Variants in PDE4B observed in about 807,000 individuals in gnomAD.
The protein encoded by PDE4B is phosphodiesterase 4B.
A neutral mutation model predicts 82.2 loss-of-function variants in PDE4B; 20 were observed. That is an observed-to-expected ratio of 0.24 (90% CI 0.17 to 0.35). The LOEUF is 0.35. Among genes scored for constraint, PDE4B ranks in the 10% least tolerant of loss-of-function variants. PDE4B has a pLI of 1.00. For missense variants in PDE4B, 655 were observed against 907.2 expected (o/e 0.72, Z 3.57); for synonymous variants, 320 against 318.9 (o/e 1.00, Z -0.04).
intron 3 of PDE4B, among the ~76,000 whole-genome samples, chr1:66,138,084 G>A (rs936166447): frequency 6.6e-6 from 1 of 152,206 alleles, no homozygotes. Flanking sequence ...GGCTTGTCTA[G>A]CTACAGTTCC....
At chr1:66,003,955 T>C (rs1242398515) in intron 3 of PDE4B, among the ~76,000 whole-genome samples, 1 of 152,170 alleles carries the variant, frequency 6.6e-6, no homozygotes, top group Non-Finnish European at 1.5e-5. Context: ...CACATGCTCA[T>C]TTATCAAAAC....
intron 3 of PDE4B, among the ~76,000 whole-genome samples, chr1:66,202,533 G>T (rs1220020060): frequency 6.6e-6 from 1 of 152,164 alleles, no homozygotes; most frequent in Admixed American, 6.5e-5. Context: ...GGGTGCGCCT[G>T]TATTGGGTGC....
intron 7 of PDE4B, among the ~76,000 whole-genome samples, chr1:66,278,430 T>C (rs1487204831): frequency 6.6e-6 from 1 of 152,206 alleles, no homozygotes; most frequent in Non-Finnish European, 1.5e-5. Flanking sequence ...AAAACTGGGC[T>C]CATGAAAGAG....
At chr1:65,913,454 C>T in intron 2 of PDE4B, 98 bp downstream of exon 2, 2 of 1,118,650 alleles carry the variant, frequency 1.8e-6, no homozygotes, top group Admixed American at 1.7e-5. Flanking sequence ...TAACACACCA[C>T]TCTGTGACTA....
At chr1:66,304,218 G>C (rs1658108365) in intron 7 of PDE4B, among the ~76,000 whole-genome samples, 1 of 152,090 alleles carries the variant, frequency 6.6e-6, no homozygotes, top group South Asian at 2.1e-4. Context: ...TGTAGAGTTT[G>C]ACAAGAGATA....
At chr1:66,075,207 C>G (rs1374088456) in intron 3 of PDE4B, among the ~76,000 whole-genome samples, 1 of 152,004 alleles carries the variant, frequency 6.6e-6, no homozygotes, top group Non-Finnish European at 1.5e-5. Flanking sequence ...CACCAGCTCA[C>G]CTTTGAATTA....
intron 1 of PDE4B, among the ~76,000 whole-genome samples, chr1:65,839,066 G>T (rs565379860): frequency 5.3e-5 from 8 of 151,924 alleles, no homozygotes; most frequent in Admixed American, 1.3e-4. Context: ...GTAAGATATC[G>T]AATTTTTGCT....
chr1:65,856,142 A>C (rs1646390039), intron 1 of PDE4B, among the ~76,000 whole-genome samples: 1 of 152,184 alleles, frequency 6.6e-6, no homozygotes, highest in South Asian at 2.1e-4. Context: ...TGACATTAAT[A>C]ATTGAAAGAT....
At chr1:65,898,183 T>G (rs77182197) in intron 1 of PDE4B, among the ~76,000 whole-genome samples, 5 of 152,032 alleles carry the variant, frequency 3.3e-5, no homozygotes, top group Non-Finnish European at 4.4e-5. Context: ...AATGGGGTCG[T>G]TTTTTGCTTG....
chr1:66,093,912 G>GTTCT (rs959546579), intron 3 of PDE4B, among the ~76,000 whole-genome samples: 2 of 152,052 alleles, frequency 1.3e-5, no homozygotes, highest in Admixed American at 6.6e-5. Flanking sequence ...GGCCCTTGAT[G>GTTCT]TTCTTTCATT....
intron 3 of PDE4B, among the ~76,000 whole-genome samples, chr1:65,980,536 T>G (rs1266454260): frequency 1.3e-5 from 2 of 152,192 alleles, no homozygotes; most frequent in African/African-American, 4.8e-5. Context: ...AGGGGGGTGT[T>G]GGTGTTTCTT....
intron 3 of PDE4B, among the ~76,000 whole-genome samples, chr1:66,123,799 A>G (rs1417983960): frequency 6.6e-6 from 1 of 152,228 alleles, no homozygotes; most frequent in Non-Finnish European, 1.5e-5. Context: ...TACTCACAGT[A>G]CTTGTGATCA....
chr1:66,061,088 T>C (rs1344966409), intron 3 of PDE4B, among the ~76,000 whole-genome samples: 2 of 151,582 alleles, frequency 1.3e-5, no homozygotes, highest in Non-Finnish European at 2.9e-5. Flanking sequence ...ACACGTTCTT[T>C]GAAAATGAGA....
intron 3 of PDE4B, among the ~76,000 whole-genome samples, chr1:65,976,143 G>A (rs769536624): frequency 2.6e-5 from 4 of 152,216 alleles, no homozygotes; most frequent in Non-Finnish European, 5.9e-5. Flanking sequence ...ATGCAGTAAA[G>A]CCACAGTGGC....
chr1:65,938,330 C>T (rs1254663627), intron 3 of PDE4B, among the ~76,000 whole-genome samples: 2 of 152,256 alleles, frequency 1.3e-5, no homozygotes, highest in Middle Eastern at 3.4e-3. Context: ...GAATCTGAGC[C>T]CTTCACCTTG....
intron 1 of PDE4B, among the ~76,000 whole-genome samples, chr1:65,909,554 C>T (rs951330528): frequency 4.6e-5 from 7 of 151,984 alleles, no homozygotes; most frequent in South Asian, 2.1e-4. Context: ...TAAAACAGAA[C>T]GTTATGAAGG....
intron 1 of PDE4B, among the ~76,000 whole-genome samples, chr1:65,845,540 A>G (rs1449585864): frequency 6.6e-6 from 1 of 152,118 alleles, no homozygotes; most frequent in East Asian, 1.9e-4. Flanking sequence ...GATACCGTCA[A>G]TGTTTTACTC....
intron 1 of PDE4B, among the ~76,000 whole-genome samples, chr1:65,898,732 A>T (rs935025452): frequency 7.9e-5 from 12 of 152,152 alleles, no homozygotes; most frequent in Admixed American, 6.6e-4. Context: ...ACCCTTTTCA[A>T]CAAAGGGTGC....
intron 1 of PDE4B, among the ~76,000 whole-genome samples, chr1:65,837,679 G>C (rs1646156286): frequency 1.3e-5 from 2 of 152,182 alleles, no homozygotes; most frequent in East Asian, 3.9e-4. Flanking sequence ...GAGTATATGG[G>C]GAAAGCTGAC....
Sources: gnomAD v4.1 joint callset for allele counts (sites outside exome capture counted in the v4.1 genomes callset) on GRCh38, gnomAD v4.1.1 for gene constraint, MANE v1.5 for transcripts, NCBI Gene and HGNC (gene_info 2026-07-23, HGNC 2026-07-21) for gene names.